Variants in NLGN1 observed in about 807,000 individuals in gnomAD.
NLGN1 encodes the protein neuroligin-1.
In NLGN1, 12 loss-of-function variants were observed where a neutral mutation model predicts 65.5. The ratio of observed to expected loss-of-function variants is 0.18; its 90% confidence interval spans 0.12 to 0.30. The LOEUF (loss-of-function observed/expected upper bound fraction) is 0.30, where lower values mean the gene tolerates loss of function less well. Among genes scored for constraint, NLGN1 ranks in the 10% least tolerant of loss-of-function variants. The pLI is 1.00. For synonymous variants in NLGN1, 350 were observed against 359.5 expected (o/e 0.97, Z 0.30); for missense variants, 750 against 1,007.1 (o/e 0.74, Z 3.46).
At chr3:173,890,306 G>A (rs987042160) in intron 4 of NLGN1, among the ~76,000 whole-genome samples, 1 of 152,090 alleles carries the variant, frequency 6.6e-6, no homozygotes, top group African/African-American at 2.4e-5. Flanking sequence ...AATGGTCAGA[G>A]GTTTGTTCAG....
At chr3:174,193,451 A>C (rs1732760623) in intron 4 of NLGN1, among the ~76,000 whole-genome samples, 1 of 152,194 alleles carries the variant, frequency 6.6e-6, no homozygotes, top group Non-Finnish European at 1.5e-5. Flanking sequence ...AAATTACCTT[A>C]AACCAAAAAA....
chr3:174,209,070 T>C (rs1030163189), intron 4 of NLGN1, among the ~76,000 whole-genome samples: 10 of 151,948 alleles, frequency 6.6e-5, no homozygotes, highest in African/African-American at 2.2e-4. Context: ...TATAGGAACA[T>C]GCCACCAGGC....
chr3:173,682,317 C>G (rs758837376), intron 3 of NLGN1, among the ~76,000 whole-genome samples: 1 of 151,894 alleles, frequency 6.6e-6, no homozygotes, highest in Non-Finnish European at 1.5e-5. Flanking sequence ...TGGCTGGGCA[C>G]GGTGGCTCAC....
At chr3:173,946,582 T>G (rs937335361) in intron 4 of NLGN1, among the ~76,000 whole-genome samples, 2 of 152,194 alleles carry the variant, frequency 1.3e-5, no homozygotes, top group African/African-American at 4.8e-5. Context: ...CACCTCATGT[T>G]TTTAGTATAG....
intron 3 of NLGN1, among the ~76,000 whole-genome samples, chr3:173,763,788 A>G (rs1015314860): frequency 3.3e-5 from 5 of 151,940 alleles, no homozygotes; most frequent in Non-Finnish European, 7.4e-5. Flanking sequence ...AAAGAGGAGG[A>G]AAAAAAAGTA....
rs1577260467 is a variant in NLGN1, at chr3:174,185,099, C to T, written c.647-90216C>T. Among the ~76,000 whole-genome samples the T allele has an allele frequency of 3.3e-5, 5 of 152,214 alleles. No individual in the cohort carries two copies. In the Middle Eastern group the frequency reaches 0.017, roughly 518 times the overall value. On this transcript the variant is annotated intron_variant, in intron 4 of 6. Transcript: ENST00000457714. ...GGCCCTGCTATACAGCTTTCTCAAC[C>T]TGTTGTGCTGTTTTTGGCTTCCTTG...
chr3:173,474,207 G>A (rs1725805095), intron 2 of NLGN1, among the ~76,000 whole-genome samples: 1 of 150,208 alleles, frequency 6.7e-6, no homozygotes, highest in Non-Finnish European at 1.5e-5. Flanking sequence ...CTGAATTCTA[G>A]TCTGTTTTTA....
At chr3:174,254,710 T>G (rs1429074656) in intron 4 of NLGN1, among the ~76,000 whole-genome samples, 6 of 152,192 alleles carry the variant, frequency 3.9e-5, no homozygotes, top group African/African-American at 1.4e-4. Flanking sequence ...TTGGGTCCAG[T>G]TTTTCCTTTC....
At chr3:173,432,039 A>G (rs999092628) in intron 1 of NLGN1, among the ~76,000 whole-genome samples, 1 of 152,162 alleles carries the variant, frequency 6.6e-6, no homozygotes, top group Non-Finnish European at 1.5e-5. Context: ...AGGTTCCTCC[A>G]TGTCTTTTCA....
chr3:173,739,253 C>A (rs1276821112), intron 3 of NLGN1, among the ~76,000 whole-genome samples: 1 of 152,052 alleles, frequency 6.6e-6, no homozygotes. Context: ...CCAGAAAAGC[C>A]AGCTTAAGGG....
At chr3:173,922,598 A>G (rs1354268424) in intron 4 of NLGN1, among the ~76,000 whole-genome samples, 1 of 152,062 alleles carries the variant, frequency 6.6e-6, no homozygotes, top group Non-Finnish European at 1.5e-5. Flanking sequence ...CTGGTTATTT[A>G]TATTAATTTT....
chr3:173,452,334 G>A (rs1286980254), intron 2 of NLGN1, among the ~76,000 whole-genome samples: 1 of 152,052 alleles, frequency 6.6e-6, no homozygotes, highest in Non-Finnish European at 1.5e-5. Context: ...ACAGGTGCCC[G>A]CCACCACGTC....
chr3:173,918,420 A>C (rs1178415221), intron 4 of NLGN1, among the ~76,000 whole-genome samples: 2 of 152,066 alleles, frequency 1.3e-5, no homozygotes, highest in African/African-American at 4.8e-5. Flanking sequence ...GCAGATCACG[A>C]GGTCAGGAGT....
At chr3:174,017,109 C>T (rs1189648747) in intron 4 of NLGN1, among the ~76,000 whole-genome samples, 1 of 152,056 alleles carries the variant, frequency 6.6e-6, no homozygotes, top group African/African-American at 2.4e-5. Context: ...GCTGCTAACC[C>T]CATTGCTAGA....
chr3:174,068,294 G>C (rs2152529741), intron 4 of NLGN1, among the ~76,000 whole-genome samples: 1 of 152,194 alleles, frequency 6.6e-6, no homozygotes, highest in African/African-American at 2.4e-5. Context: ...AAAGCTTCAG[G>C]TCTGTCCCAC....
chr3:174,265,888 G>A (rs1266848819), intron 4 of NLGN1, among the ~76,000 whole-genome samples: 1 of 136,802 alleles, frequency 7.3e-6, no homozygotes, highest in Non-Finnish European at 1.6e-5. Flanking sequence ...ATATATATAC[G>A]TATATATGTA....
At chr3:173,813,431 A>G (rs556287310) in intron 4 of NLGN1, among the ~76,000 whole-genome samples, 5 of 152,312 alleles carry the variant, frequency 3.3e-5, no homozygotes, top group African/African-American at 1.2e-4. Flanking sequence ...TGAGATGTAG[A>G]AAGAAAAAGA....
At position 173,910,121 on chromosome 3, in the gene NLGN1, C is replaced by T. The variant is rs2152218670; in HGVS notation, c.646+102289C>T. Among the ~76,000 whole-genome samples, 6 of 152,294 alleles carry T rather than the reference C, an allele frequency of 3.9e-5. No individual in the cohort carries two copies. In the Middle Eastern group the frequency reaches 0.01, roughly 259 times the overall value. On this transcript the variant is annotated intron_variant, in intron 4 of 6. Transcript: ENST00000457714. Reference sequence around the variant, plus strand: ...CTACTGGGTTGTTCATGCTCAGTTTCTTTCTTCTCCTTCCTGATCGTTGGT... The same window carrying T: ...CTACTGGGTTGTTCATGCTCAGTTTTTTTCTTCTCCTTCCTGATCGTTGGT...
intron 2 of NLGN1, among the ~76,000 whole-genome samples, chr3:173,570,806 C>G (rs1411275172): frequency 6.6e-6 from 1 of 152,156 alleles, no homozygotes; most frequent in Non-Finnish European, 1.5e-5. Context: ...CAGGTTCAAG[C>G]GATTCTTGTA....
Sources: gnomAD v4.1 joint callset for allele counts (sites outside exome capture counted in the v4.1 genomes callset) on GRCh38, gnomAD v4.1.1 for gene constraint, MANE v1.5 for transcripts, NCBI Gene and HGNC (gene_info 2026-07-23, HGNC 2026-07-21) for gene names.